DMD: variants seen among roughly 807,000 people sequenced by gnomAD.
DMD encodes the protein mutant dystrophin.
A neutral mutation model predicts 330.1 loss-of-function variants in DMD; 63 were observed. That is an observed-to-expected ratio of 0.19 (90% CI 0.16 to 0.24). The LOEUF (loss-of-function observed/expected upper bound fraction) is 0.24, where lower values mean the gene tolerates loss of function less well. DMD is among the 10% of genes least tolerant of loss of function. The pLI, the probability that DMD is intolerant of heterozygous loss-of-function variation, is 1.00. For missense variants in DMD, 3,344 were observed against 2,684.1 expected (o/e 1.25, Z -5.43); for synonymous variants, 1,223 against 959.8 (o/e 1.27, Z -5.07).
At chrX:32,906,345 G>C (rs1453649106) in intron 2 of DMD, among the ~76,000 whole-genome samples, 4 of 111,745 alleles carry the variant, frequency 3.6e-5, no homozygotes, top group Non-Finnish European at 7.5e-5. Flanking sequence ...AGCTTCCTGA[G>C]GCCGCCCCAG....
At position 32,252,756 on chromosome X, in the gene DMD, A is replaced by C; in HGVS notation, c.6290+34773T>G. The stretch of plus-strand genomic sequence containing the variant: ...TAAATATATATATAAATATATATAA[A>C]TATATAAATATATATAAATATATAT... On this transcript the variant is annotated intron_variant, in intron 43 of 78. Transcript: ENST00000357033. Among the ~76,000 whole-genome samples, 2 of 24,435 alleles carry C rather than the reference A, an allele frequency of 8.2e-5. 1 individual carries two copies. The highest frequency in any genetic ancestry group is 1.0e-4 in the Non-Finnish European group (2 of 19,307). The allele number at this position is 24,435 out of a possible 115,157, so 21.2% of individuals were successfully genotyped here.
intron 67 of DMD, among the ~76,000 whole-genome samples, chrX:31,186,677 G>A (rs1158568769): frequency 8.9e-6 from 1 of 112,441 alleles, no homozygotes; most frequent in Admixed American, 9.4e-5. Context: ...CTGTTGCTGA[G>A]CACTTTTCTC....
chrX:31,129,077 A>G (rs1336050899), intron 77 of DMD, among the ~76,000 whole-genome samples: 2 of 111,305 alleles, frequency 1.8e-5, no homozygotes, highest in African/African-American at 6.5e-5. Context: ...ACAAAAGGGA[A>G]GTGTGCTGGG....
chrX:31,937,739 C>T (rs1382889531), intron 45 of DMD, among the ~76,000 whole-genome samples: 1 of 112,044 alleles, frequency 8.9e-6, no homozygotes, highest in African/African-American at 3.2e-5. Context: ...TTCATATTGG[C>T]ATTCATCACA....
chrX:33,281,484 C>A (rs1423735952), intron 1 of DMD, among the ~76,000 whole-genome samples: 2 of 111,811 alleles, frequency 1.8e-5, no homozygotes, highest in Admixed American at 1.9e-4. Context: ...GCTGGGATTA[C>A]GGGCATGAGC....
chrX:32,179,630 A>G (rs2096920418), intron 44 of DMD, among the ~76,000 whole-genome samples: 1 of 112,086 alleles, frequency 8.9e-6, no homozygotes, highest in Non-Finnish European at 1.9e-5. Context: ...TGATCATCCA[A>G]ATAGGATGAT....
intron 4 of DMD, among the ~76,000 whole-genome samples, chrX:32,843,693 T>G (rs1220071507): frequency 1.8e-5 from 2 of 111,710 alleles, no homozygotes; most frequent in Non-Finnish European, 3.8e-5. Flanking sequence ...AAGAGAGAGG[T>G]AATGTAATTA....
intron 44 of DMD, among the ~76,000 whole-genome samples, chrX:32,190,550 T>TTATA (rs753482446): frequency 0.04 from 2,522 of 62,420 alleles, 122 homozygotes; most frequent in African/African-American, 0.11. Context: ...ATTTAAAATT[T>TTATA]TATATATATA....
chrX:31,490,789 G>A (rs1015390505), intron 57 of DMD, among the ~76,000 whole-genome samples: 1 of 111,838 alleles, frequency 8.9e-6, no homozygotes, highest in Non-Finnish European at 1.9e-5. Flanking sequence ...TCCCACGTAA[G>A]CAGGCCAGCA....
chrX:32,722,411 G>A lies in DMD; in HGVS notation c.650-23118C>T, dbSNP rs188718821. Among the ~76,000 whole-genome samples, 7 of 110,506 alleles carry A rather than the reference G, an allele frequency of 6.3e-5. No homozygotes were observed. In the East Asian group the frequency reaches 1.4e-3, roughly 23 times the overall value. On this transcript the variant is annotated intron_variant, in intron 7 of 78. Coordinates refer to ENST00000357033, the MANE Select transcript of DMD (RefSeq NM_004006.3). ...CGATAGATGTTTTAAAGTATATAGGGGGGTGTGCATAGGTATATGCAAATA... is the reference window on the plus strand; with the variant it reads ...CGATAGATGTTTTAAAGTATATAGGAGGGTGTGCATAGGTATATGCAAATA...
chrX:32,065,549 G>A (rs1603623806), intron 44 of DMD, among the ~76,000 whole-genome samples: 1 of 111,814 alleles, frequency 8.9e-6, no homozygotes, highest in Non-Finnish European at 1.9e-5. Flanking sequence ...AACATATCCT[G>A]TATTTGAAAG....
chrX:32,321,834 A>G (rs1347099764), intron 41 of DMD, among the ~76,000 whole-genome samples: 4 of 111,832 alleles, frequency 3.6e-5, no homozygotes, highest in Non-Finnish European at 7.5e-5. Flanking sequence ...GGGGCTGGAG[A>G]GAAAGACAAA....
intron 44 of DMD, among the ~76,000 whole-genome samples, chrX:31,988,424 A>C (rs1334301184): frequency 1.1e-5 from 1 of 89,055 alleles, no homozygotes; most frequent in African/African-American, 4.3e-5. Context: ...CAGTGAGCCG[A>C]GATCATGCCA....
chrX:31,138,419 A>G (rs781121393), intron 76 of DMD, among the ~76,000 whole-genome samples: 1 of 111,399 alleles, frequency 9.0e-6, no homozygotes, highest in Non-Finnish European at 1.9e-5. Flanking sequence ...ATCATACACT[A>G]TGTAGCTACA....
intron 7 of DMD, among the ~76,000 whole-genome samples, chrX:32,774,873 A>G (rs1009670870): frequency 8.9e-6 from 1 of 111,924 alleles, no homozygotes; most frequent in Non-Finnish European, 1.9e-5. Flanking sequence ...TCATTTCGGC[A>G]TTAAGTCAAA....
In DMD at chrX:32,464,800, A is replaced by C. The variant is rs978381026; in HGVS notation, c.3163-101T>G. The C allele has an allele frequency of 1.2e-4, 71 of 609,773 alleles. No homozygotes were observed. The African/African-American group carries it at 1.5e-3, about 13-fold the overall frequency. The allele number at this position is 609,773 out of a possible 1,213,427, so 50.3% of individuals were successfully genotyped here. A position where few individuals can be genotyped will look rare whatever the true frequency, so the allele number is the denominator to read the frequency against. ...AAACACAGGCCCAAAAACAATTCCC[A>C]TGTTTAAAGGATGTCTCTAAGTAGT... On this transcript the variant is annotated intron_variant, in intron 23 of 78. Transcript: ENST00000357033.
chrX:32,400,058 G>C (rs369649117), intron 30 of DMD, among the ~76,000 whole-genome samples: 1 of 111,106 alleles, frequency 9.0e-6, no homozygotes, highest in African/African-American at 3.3e-5. Flanking sequence ...GAATGCTTCC[G>C]GTTTTTGCCC....
At chrX:32,994,347 A>AACC (rs200543213) in intron 2 of DMD, among the ~76,000 whole-genome samples, 9,831 of 109,904 alleles carry the variant, frequency 0.089, 563 homozygotes, top group African/African-American at 0.19. Flanking sequence ...AAAAAAAAAA[A>AACC]AATAGATTGT....
rs961580174 is a variant in DMD, at chrX:33,235,918, T to A, written c.7+103341A>T. Among the ~76,000 whole-genome samples, 21 of 88,380 alleles carry A rather than the reference T, an allele frequency of 2.4e-4. No homozygotes were observed. In the South Asian group the frequency reaches 5.8e-3, roughly 24 times the overall value. 76.7% of individuals were successfully genotyped at this position (88,380 alleles called of 115,157 possible). A position where few individuals can be genotyped will look rare whatever the true frequency, so the allele number is the denominator to read the frequency against. On this transcript the variant is annotated intron_variant, in intron 1 of 17. Transcript: ENST00000288447. ...CTTATATTATTATTATTATTATTAT[T>A]TTTTTTTTTTTTTATGAGACGGAAT...
Sources: gnomAD v4.1 joint callset for allele counts (sites outside exome capture counted in the v4.1 genomes callset) on GRCh38, gnomAD v4.1.1 for gene constraint, MANE v1.5 for transcripts, NCBI Gene and HGNC (gene_info 2026-07-23, HGNC 2026-07-21) for gene names.